The following ZFAT variants were observed in gnomAD, a reference collection of about 807,000 sequenced individuals.
ZFAT encodes the protein zinc finger and AT-hook domain containing.
ZFAT carries 64 observed loss-of-function variants against 117.7 expected under a neutral mutation model. The observed-to-expected ratio is 0.54, with a 90% confidence interval of 0.44 to 0.67. The LOEUF is 0.67. Ranked by LOEUF, ZFAT falls within the 30% of genes least tolerant of loss-of-function variation. The pLI is 0.00. For missense variants in ZFAT, 1,433 were observed against 1,584.5 expected (o/e 0.90, Z 1.62); for synonymous variants, 679 against 615.0 (o/e 1.10, Z -1.54).
intron 13 of ZFAT, 76 bp downstream of exon 13, chr8:134,520,807 C>T (rs1364761933): frequency 1.8e-6 from 2 of 1,088,694 alleles, no homozygotes; most frequent in Non-Finnish European, 1.4e-6. Flanking sequence ...ATTGTCCGTG[C>T]CCAGTATTTG....
the ZFAT span, among the ~76,000 whole-genome samples, chr8:134,802,558 A>G: frequency 1.3e-5 from 2 of 152,208 alleles, no homozygotes; most frequent in African/African-American, 4.8e-5. Flanking sequence ...AAAAGCATCT[A>G]ATTTGAAATA....
At chr8:134,757,752 T>A in the ZFAT span, among the ~76,000 whole-genome samples, 1 of 152,092 alleles carries the variant, frequency 6.6e-6, no homozygotes, top group East Asian at 1.9e-4. Context: ...CTGGGGTGAA[T>A]TGTAGCAGAT....
chr8:134,518,751 C>T (rs35703935), intron 13 of ZFAT, among the ~76,000 whole-genome samples: 25,588 of 151,738 alleles, frequency 0.17, 2,310 homozygotes, highest in Non-Finnish European at 0.19. Flanking sequence ...ATGCTTTCTT[C>T]TAGTATTTGT....
At chr8:134,797,836 AT>A in the ZFAT span, 1 of 152,006 alleles carries the variant, frequency 6.6e-6, no homozygotes, top group African/African-American at 2.4e-5. Context: ...AATTAAAAAA[AT>A]AAAAATACCT....
chr8:134,819,821 CT>C, the ZFAT span, among the ~76,000 whole-genome samples: 1 of 151,766 alleles, frequency 6.6e-6, no homozygotes. Context: ...TTTCAAAACT[CT>C]TCTGAACCTT....
chr8:134,750,528 T>A, the ZFAT span, among the ~76,000 whole-genome samples: 2 of 152,142 alleles, frequency 1.3e-5, no homozygotes, highest in East Asian at 1.9e-4. Context: ...TTGAAATATT[T>A]TTTTTAAAAA....
At chr8:134,664,951 C>A (rs1832135199) in intron 1 of ZFAT, among the ~76,000 whole-genome samples, 1 of 152,184 alleles carries the variant, frequency 6.6e-6, no homozygotes, top group Non-Finnish European at 1.5e-5. Flanking sequence ...TAACTGTTTG[C>A]CAGGCTTTAG....
At chr8:134,734,190 C>T in the ZFAT span, among the ~76,000 whole-genome samples, 1 of 152,240 alleles carries the variant, frequency 6.6e-6, no homozygotes, top group Non-Finnish European at 1.5e-5. Context: ...CTCTCCCCCA[C>T]TTCAGGGGAC....
chr8:134,621,868 AG>A (rs2131024048), intron 3 of ZFAT, among the ~76,000 whole-genome samples: 1 of 152,356 alleles, frequency 6.6e-6, no homozygotes, highest in African/African-American at 2.4e-5. Flanking sequence ...TTTAACAAAA[AG>A]TCACTGTTTT....
upstream of ZFAT, among the ~76,000 whole-genome samples, chr8:134,714,023 A>G (rs1814147604): frequency 1.2e-5 from 1 of 85,680 alleles, no homozygotes; most frequent in African/African-American, 4.9e-5. Context: ...TTTCACTTAC[A>G]GTAGTCATAT....
At chr8:134,639,352 G>T (rs1005207907) in intron 2 of ZFAT, among the ~76,000 whole-genome samples, 2 of 152,216 alleles carry the variant, frequency 1.3e-5, no homozygotes, top group South Asian at 4.1e-4. Context: ...AAACTGCAAC[G>T]CCACTGGTGA....
At chr8:134,715,958 C>T (rs952278179), upstream of ZFAT, among the ~76,000 whole-genome samples, 4 of 151,904 alleles carry the variant, frequency 2.6e-5, no homozygotes, top group Admixed American at 6.6e-5. Context: ...TACATACAGG[C>T]GACCTCAAAA....
At chr8:134,804,753 G>A in the ZFAT span, 7 of 439,494 alleles carry the variant, frequency 1.6e-5, no homozygotes, top group East Asian at 6.1e-5. Context: ...ATCATAATAC[G>A]TGCACTGTCA....
the ZFAT span, among the ~76,000 whole-genome samples, chr8:134,732,156 C>T: frequency 6.6e-6 from 1 of 152,324 alleles, no homozygotes; most frequent in South Asian, 2.1e-4. Context: ...AAATATTATC[C>T]GGTTATCACT....
intron 10 of ZFAT, among the ~76,000 whole-genome samples, chr8:134,582,051 C>G (rs1006839240): frequency 2.0e-5 from 3 of 152,230 alleles, no homozygotes; most frequent in African/African-American, 7.2e-5. Flanking sequence ...GAATACCATT[C>G]CTTTTCAGGA....
rs533203371 is a variant in ZFAT, at chr8:134,696,828, C to G, written c.19+16017G>C. 1.6e-3 allele frequency among the ~76,000 whole-genome samples: 242 copies of G among 152,376 alleles called. 1 individual carries two copies. The highest frequency in any genetic ancestry group is 5.5e-3 in the African/African-American group (229 of 41,592). On this transcript the variant is annotated intron_variant, in intron 1 of 15. Coordinates refer to ENST00000377838, the MANE Select transcript of ZFAT (RefSeq NM_020863.4). ...GTCCCAGGAGGCTGCAGGCGAGAAGCGCCCAGCGTCTAGAAAAACTTGGAC... is the reference window on the plus strand; with the variant it reads ...GTCCCAGGAGGCTGCAGGCGAGAAGGGCCCAGCGTCTAGAAAAACTTGGAC...
the ZFAT span, among the ~76,000 whole-genome samples, chr8:134,771,921 AAG>A: frequency 2.0e-5 from 3 of 152,196 alleles, no homozygotes; most frequent in Admixed American, 2.0e-4. Flanking sequence ...GAGGCAGGCA[AAG>A]AGAGAGTTTG....
chr8:134,574,074 G>A (rs538236416), intron 10 of ZFAT, among the ~76,000 whole-genome samples: 77 of 152,342 alleles, frequency 5.1e-4, no homozygotes, highest in African/African-American at 1.8e-3. Context: ...AGATGTGACC[G>A]ACCAAACCTA....
chr8:134,583,610 C>T (rs1351274023), intron 10 of ZFAT, among the ~76,000 whole-genome samples: 1 of 149,854 alleles, frequency 6.7e-6, no homozygotes, highest in Non-Finnish European at 1.5e-5. Flanking sequence ...ACCACTGGCA[C>T]CGACACACCC....
Sources: allele counts gnomAD v4.1 joint callset (sites outside exome capture counted in the v4.1 genomes callset), GRCh38; gene constraint gnomAD v4.1.1; transcripts MANE v1.5; gene names NCBI Gene and HGNC (gene_info 2026-07-23, HGNC 2026-07-21).